DNAH5: variants seen among roughly 807,000 people sequenced by gnomAD.
DNAH5 encodes the protein axonemal beta dynein heavy chain 5.
Under a neutral mutation model 518.2 loss-of-function variants are expected in DNAH5, and 372 were observed. That is an observed-to-expected ratio of 0.72 (90% CI 0.66 to 0.78). The LOEUF is 0.78. Among genes scored for constraint, DNAH5 ranks in the 30% least tolerant of loss-of-function variants. The probability of loss-of-function intolerance (pLI) is 0.00; values close to 1 mark genes in which losing one functional copy is unlikely to be tolerated. For missense variants in DNAH5, 5,523 were observed against 5,687.0 expected, an observed-to-expected ratio of 0.97 and a Z score of 0.93; for synonymous variants, 2,039 against 2,025.9, an observed-to-expected ratio of 1.01 and a Z score of -0.17.
rs1237288322 is a variant in DNAH5, at chr5:13,902,120, T to C, written c.1663A>G (p.Met555Val). Residue 555 changes from methionine (M) to valine (V), a missense_variant, in exon 13 of 79, where the codon ATG becomes GTG. Coordinates refer to ENST00000265104, the MANE Select transcript of DNAH5 (RefSeq NM_001369.3). ...NDLHNELRKFMDVTFAKIQNT... is the reference protein window; with the variant it reads ...NDLHNELRKFVDVTFAKIQNT... ...TGAATCTTTGCAAATGTAACATCCA[T>C]GAACTTCCGCAACTCGTTCTAAAAC... 1 of 1,608,398 alleles carries C rather than the reference T, an allele frequency of 6.2e-7. No homozygotes were observed.
At chr5:13,935,329 G>A (rs867314136) in intron 1 of DNAH5, among the ~76,000 whole-genome samples, 5 of 151,996 alleles carry the variant, frequency 3.3e-5, no homozygotes, top group African/African-American at 7.2e-5. Flanking sequence ...GAAAAAGAGG[G>A]AAATCACTCC....
chr5:13,960,895 G>A (rs10077310), intron 1 of DNAH5, among the ~76,000 whole-genome samples: 41,458 of 152,138 alleles, frequency 0.27, 6,013 homozygotes, highest in East Asian at 0.59. Flanking sequence ...TTGTGAGATG[G>A]GATTGGGCTT....
rs780285140 is a variant in DNAH5 at position 13,792,123 on chromosome 5, T to C, written c.8319A>G (p.Leu2773=). 5 of 1,614,044 alleles carry C rather than the reference T, an allele frequency of 3.1e-6. No homozygotes were observed. The highest frequency in any genetic ancestry group is 2.2e-5 in the East Asian group (1 of 44,868). Residue 2773 remains leucine, a synonymous_variant, in exon 50 of 79, where the codon CTA becomes CTG. Coordinates refer to ENST00000265104, the MANE Select transcript of DNAH5 (RefSeq NM_001369.3). The stretch of plus-strand genomic sequence containing the variant: ...GCATTTTAATCTTGGTCATCTGCCA[T>C]AGTCGGCGTGTCAGAGGCACCAATT... ...VTKLVPLTRR[L]WQMTKIKMLP...
chr5:13,716,466 A>G, intron 74 of DNAH5, 21 bp downstream of exon 74: 1 of 1,586,580 alleles, frequency 6.3e-7, no homozygotes, highest in Non-Finnish European at 8.7e-7. Flanking sequence ...CTCTATGCAT[A>G]AAATTCTGAA....
intron 1 of DNAH5, among the ~76,000 whole-genome samples, chr5:13,970,198 A>G (rs1460773937): frequency 2.0e-5 from 3 of 152,158 alleles, no homozygotes; most frequent in Admixed American, 6.5e-5. Flanking sequence ...TGTGTTGGTG[A>G]GTCTCTTGAA....
At position 13,719,023 on chromosome 5, in the gene DNAH5, C is replaced by G. The variant is rs1180032213; in HGVS notation, c.12358G>C (p.Glu4120Gln). 1 of 1,613,982 alleles carries G rather than the reference C, an allele frequency of 6.2e-7. No homozygotes were observed. The highest frequency in any genetic ancestry group is 1.1e-5 in the South Asian group (1 of 91,070). ...DELMDIIIET[E>Q]LVHDAFRLWM... ...AGGCGGAACGCATCATGTACAAGCT[C>G]AGTTTCTATGATTATGTCCATCAGC... Residue 4120 changes from glutamate (E) to glutamine (Q), a missense_variant, in exon 72 of 79, where the codon GAG becomes CAG. Coordinates refer to ENST00000265104, the MANE Select transcript of DNAH5 (RefSeq NM_001369.3).
At chr5:13,700,335 C>T (rs1741925384) in intron 78 of DNAH5, among the ~76,000 whole-genome samples, 1 of 152,214 alleles carries the variant, frequency 6.6e-6, no homozygotes, top group Non-Finnish European at 1.5e-5. Context: ...CTCTCCTTTC[C>T]CATGCCTATT....
At chr5:13,976,705 A>ATG in intron 1 of DNAH5, among the ~76,000 whole-genome samples, 10 of 126,436 alleles carry the variant, frequency 7.9e-5, no homozygotes, top group African/African-American at 2.9e-4. Flanking sequence ...ATATATATAT[A>ATG]TATATACACA....
intron 36 of DNAH5, 86 bp from the exon 37 acceptor site, chr5:13,830,299 A>C: frequency 1.6e-6 from 2 of 1,244,928 alleles, no homozygotes; most frequent in Non-Finnish European, 2.3e-6. Flanking sequence ...TGCTAAAATG[A>C]GCCAGATGTA....
intron 1 of DNAH5, among the ~76,000 whole-genome samples, chr5:13,986,173 T>G (rs756709990): frequency 5.5e-4 from 84 of 152,244 alleles, no homozygotes; most frequent in East Asian, 9.7e-4. Flanking sequence ...TGAGGGGAAA[T>G]GCATTGCGGC....
At chr5:13,788,676 C>T (rs1257695847) in intron 51 of DNAH5, 40 bp downstream of exon 51, 1 of 1,542,896 alleles carries the variant, frequency 6.5e-7, no homozygotes, top group South Asian at 1.1e-5. Flanking sequence ...CTTTAGGGAA[C>T]ACCTTTTGGG....
At chr5:13,811,863 G>T (rs752061339) in intron 43 of DNAH5, 40 bp from the exon 44 acceptor site, 30 of 1,603,332 alleles carry the variant, frequency 1.9e-5, no homozygotes, top group Middle Eastern at 3.4e-4. Flanking sequence ...AAACTTATTA[G>T]CACACTAGGA....
intron 1 of DNAH5, chr5:13,931,961 T>A (rs576541351): frequency 6.6e-6 from 1 of 152,584 alleles, no homozygotes; most frequent in African/African-American, 2.4e-5. Flanking sequence ...ATATTCAGTA[T>A]GAATGTACCA....
At chr5:13,883,943 T>C (rs1201407835) in intron 19 of DNAH5, among the ~76,000 whole-genome samples, 1 of 152,192 alleles carries the variant, frequency 6.6e-6, no homozygotes. Context: ...ATGTCAATAT[T>C]CAAAATATAT....
intron 70 of DNAH5, among the ~76,000 whole-genome samples, chr5:13,723,404 T>G (rs539554843): frequency 6.6e-6 from 1 of 152,222 alleles, no homozygotes; most frequent in Non-Finnish European, 1.5e-5. Context: ...TGCATCTCTA[T>G]AGTGCAACTC....
chr5:13,997,912 C>T (rs533691696), intron 1 of DNAH5, among the ~76,000 whole-genome samples: 6 of 150,732 alleles, frequency 4.0e-5, no homozygotes, highest in Admixed American at 6.6e-5. Flanking sequence ...GGCGTGATCT[C>T]GGCTCACTGC....
chr5:13,734,523 G>T (rs1013415133), intron 68 of DNAH5, among the ~76,000 whole-genome samples: 1 of 152,108 alleles, frequency 6.6e-6, no homozygotes, highest in Non-Finnish European at 1.5e-5. Flanking sequence ...AGCTGCACAG[G>T]GTCTTCATCC....
chr5:13,830,350 T>C (rs1048024125), intron 36 of DNAH5, 137 bp from the exon 37 acceptor site: 2 of 926,250 alleles, frequency 2.2e-6, no homozygotes, highest in African/African-American at 3.3e-5. Context: ...GATCTATGCA[T>C]CAAGTGACCC....
At chr5:13,980,739 T>A (rs1324867844) in intron 1 of DNAH5, among the ~76,000 whole-genome samples, 1 of 152,154 alleles carries the variant, frequency 6.6e-6, no homozygotes, top group African/African-American at 2.4e-5. Context: ...CCTTTGAGAA[T>A]GGAGGTCAGT....
Sources: gnomAD v4.1 joint callset for allele counts (sites outside exome capture counted in the v4.1 genomes callset) on GRCh38, gnomAD v4.1.1 for gene constraint, MANE v1.5 for transcripts, NCBI Gene and HGNC (gene_info 2026-07-23, HGNC 2026-07-21) for gene names.